Variants in CARM1 observed in about 807,000 individuals in gnomAD.
CARM1 encodes the protein histone-arginine methyltransferase CARM1.
CARM1 carries 14 observed loss-of-function variants against 72.7 expected under a neutral mutation model. The observed-to-expected ratio is 0.19, with a 90% CI of 0.13 to 0.30. CARM1 has a LOEUF of 0.30. CARM1 is among the 10% of genes least tolerant of loss of function. The pLI, the probability that CARM1 is intolerant of heterozygous loss-of-function variation, is 1.00. For missense variants in CARM1, 432 were observed against 833.7 expected (o/e 0.52, Z 5.93); for synonymous variants, 333 against 345.5 (o/e 0.96, Z 0.40).
At chr19:10,883,849 C>G (rs772057882) in intron 1 of CARM1, among the ~76,000 whole-genome samples, 1 of 151,708 alleles carries the variant, frequency 6.6e-6, no homozygotes, top group Admixed American at 6.6e-5. Context: ...GAAACCCCAT[C>G]TCTACTAAAA....
chr19:10,884,246 C>T (rs1286298625), intron 1 of CARM1, among the ~76,000 whole-genome samples: 2 of 150,228 alleles, frequency 1.3e-5, no homozygotes, highest in Admixed American at 6.7e-5. Context: ...GAGGCTGAGG[C>T]AGGAGAATCT....
At chr19:10,885,326 A>G (rs746851483) in intron 1 of CARM1, among the ~76,000 whole-genome samples, 22 of 152,140 alleles carry the variant, frequency 1.4e-4, no homozygotes, top group Non-Finnish European at 2.5e-4. Flanking sequence ...AAAGCGATTC[A>G]TTAGCCTTGG....
chr19:10,876,249 C>T (rs1251498729), intron 1 of CARM1, among the ~76,000 whole-genome samples: 1 of 152,182 alleles, frequency 6.6e-6, no homozygotes, highest in East Asian at 1.9e-4. Flanking sequence ...TGGTCTTGAA[C>T]TCCTGGGCTC....
chr19:10,887,799 G>C (rs1355658879), intron 1 of CARM1, among the ~76,000 whole-genome samples: 1 of 152,102 alleles, frequency 6.6e-6, no homozygotes, highest in South Asian at 2.1e-4. Flanking sequence ...TCAGCCCCAG[G>C]GCAGCTTCTC....
intron 1 of CARM1, among the ~76,000 whole-genome samples, chr19:10,886,687 C>T (rs1037231402): frequency 6.6e-5 from 10 of 151,978 alleles, no homozygotes; most frequent in African/African-American, 1.7e-4. Flanking sequence ...AAAATTTAGC[C>T]GGGTGCAGTG....
At chr19:10,918,927 G>A (rs989427545) in intron 8 of CARM1, 1 of 152,196 alleles carries the variant, frequency 6.6e-6, no homozygotes, top group African/African-American at 2.4e-5. Context: ...GATTTTATTC[G>A]GTTTACATAG....
intron 1 of CARM1, 74 bp from the exon 2 acceptor site, chr19:10,904,877 C>A: frequency 1.3e-6 from 2 of 1,571,464 alleles, no homozygotes; most frequent in Non-Finnish European, 1.7e-6. Context: ...AGCAGGAGGG[C>A]GACAGGGACC....
At chr19:10,894,986 C>T (rs2074014113) in intron 1 of CARM1, among the ~76,000 whole-genome samples, 1 of 152,088 alleles carries the variant, frequency 6.6e-6, no homozygotes, top group Admixed American at 6.6e-5. Context: ...CTCAAGTGAT[C>T]CTCCCCGCTC....
chr19:10,914,276 A>G (rs1407824175), intron 6 of CARM1, among the ~76,000 whole-genome samples: 2 of 152,186 alleles, frequency 1.3e-5, no homozygotes, highest in African/African-American at 4.8e-5. Context: ...CCACTCGCCC[A>G]GACAGGGTAC....
rs1343887947 is a variant in CARM1, at chr19:10,890,245, G to T, written c.221-14706G>T. Reference sequence around the variant, plus strand: ...CTACAAAAAATATAAAAATTAGGTGGTTTTTTTGTTTTTTGTTTTGTTTGT... The same window carrying T: ...CTACAAAAAATATAAAAATTAGGTGTTTTTTTTGTTTTTTGTTTTGTTTGT... On this transcript the variant is annotated intron_variant, in intron 1 of 15. Coordinates refer to ENST00000327064, the MANE Select transcript of CARM1 (RefSeq NM_199141.2). 4.7e-5 allele frequency among the ~76,000 whole-genome samples: 7 copies of T among 149,304 alleles called. No homozygotes were observed. The South Asian group carries it at 8.6e-4, about 18-fold the overall frequency.
At chr19:10,907,526 G>C (rs2074114338) in intron 2 of CARM1, among the ~76,000 whole-genome samples, 1 of 151,324 alleles carries the variant, frequency 6.6e-6, no homozygotes, top group South Asian at 2.1e-4. Context: ...GCCCACCTCA[G>C]CCTCCCACCT....
intron 9 of CARM1, 73 bp downstream of exon 9, chr19:10,919,753 G>C: frequency 1.3e-6 from 2 of 1,523,048 alleles, no homozygotes; most frequent in Non-Finnish European, 1.8e-6. Flanking sequence ...GGCTCCCGCC[G>C]GCATCCTGCC....
chr19:10,922,549 A>C lies in CARM1; in HGVS notation c.*792A>C, dbSNP rs1181336878. The C allele has an allele frequency of 7.1e-6, 1 of 140,022 alleles. No homozygotes were observed. The highest frequency in any genetic ancestry group is 7.7e-5 in the Admixed American group (1 of 12,966). The allele number at this position is 140,022 out of a possible 1,614,324, so 8.7% of individuals were successfully genotyped here. A position where few individuals can be genotyped will look rare whatever the true frequency, so the allele number is the denominator to read the frequency against. On this transcript the variant is annotated 3_prime_UTR_variant, in exon 16 of 16. Transcript: ENST00000327064. ...AAGGCCACTGCCGGCCACTTGGGGCAGACACAGACACCTCAAGGATCTGTC... is the reference window on the plus strand; with the variant it reads ...AAGGCCACTGCCGGCCACTTGGGGCCGACACAGACACCTCAAGGATCTGTC...
Position 10,912,405 on chromosome 19 carries a change from T to A in CARM1, c.669+111T>A. On this transcript the variant is annotated intron_variant, in intron 5 of 15. Coordinates refer to ENST00000327064, the MANE Select transcript of CARM1 (RefSeq NM_199141.2). The surrounding 1 kb of genome is among the most constrained non-coding windows in gnomAD (Gnocchi z 4.5). ...CAGGGGCCTGGGGACATTACTTCTG[T>A]GCTTTGGTCTCTTTATTGTCCCCAA... The A allele has an allele frequency of 1.3e-6, 1 of 748,720 alleles. No individual in the cohort carries two copies. Among genetic ancestry groups the A allele is most frequent in the Non-Finnish European group, 2.3e-6 (1 of 428,394 alleles). 46.4% of individuals were successfully genotyped at this position (748,720 alleles called of 1,614,324 possible).
rs926453344 is a variant in CARM1, at chr19:10,872,473, C to T, written c.220+551C>T. Among the ~76,000 whole-genome samples the T allele has an allele frequency of 1.8e-4, 27 of 152,098 alleles. 1 individual carries two copies. On this transcript the variant is annotated intron_variant, in intron 1 of 15. Coordinates refer to ENST00000327064, the MANE Select transcript of CARM1 (RefSeq NM_199141.2). ...TGTGCGAGGTGTGGCGTTCAGGACC[C>T]CCGAATGGGAAACTTCAGGATCTGG...
intron 1 of CARM1, among the ~76,000 whole-genome samples, chr19:10,890,640 T>A (rs1370960762): frequency 6.6e-6 from 1 of 150,594 alleles, no homozygotes; most frequent in Non-Finnish European, 1.5e-5. Context: ...TACATATATA[T>A]ATGTATATGT....
Position 10,871,759 on chromosome 19 carries a change from C to G in CARM1, c.57C>G (p.Val19=), listed in dbSNP as rs2073819937. The change falls in exon 1 of 16, where the codon GTC becomes GTG. Residue 19 remains valine, a synonymous_variant. Coordinates refer to ENST00000327064, the MANE Select transcript of CARM1 (RefSeq NM_199141.2). The surrounding 1 kb of genome is among the most constrained non-coding windows in gnomAD (Gnocchi z 5.6). The stretch of plus-strand genomic sequence containing the variant: ...GCGCGGGCGGCGCGGGGTCGGCGGT[C>G]CCGGGCGGCGCGGGGCCCTGCGCTA... ...GPGAGGAGSA[V]PGGAGPCATV... The G allele has an allele frequency of 9.0e-7, 1 of 1,108,270 alleles. No homozygotes were observed. The highest frequency in any genetic ancestry group is 1.1e-6 in the Non-Finnish European group (1 of 909,276). The allele number at this position is 1,108,270 out of a possible 1,614,324, so 68.7% of individuals were successfully genotyped here.
rs2074025504 is a variant in CARM1 at position 10,896,563 on chromosome 19, C to CTTG, written c.221-8388_221-8387insTTG. ...TGCTGCCCAGAGCCAAGCCACCAGTCCACTGGGGCCTCTTGCAGTCCCTCC... is the reference window on the plus strand; with the variant it reads ...TGCTGCCCAGAGCCAAGCCACCAGTCTTGCACTGGGGCCTCTTGCAGTCCCTCC... On this transcript the variant is annotated intron_variant, in intron 1 of 15. Transcript: ENST00000327064. The surrounding 1 kb of genome is among the most constrained non-coding windows in gnomAD (Gnocchi z 5.2). Among the ~76,000 whole-genome samples the CTTG allele has an allele frequency of 1.3e-5, 2 of 152,162 alleles. No homozygotes were observed. Among genetic ancestry groups the CTTG allele is most frequent in the Non-Finnish European group, 2.9e-5 (2 of 68,034 alleles).
In CARM1 at chr19:10,916,859, C is replaced by G. The variant is rs1335586131; in HGVS notation, c.1020+82C>G. 4 of 1,043,740 alleles carry G rather than the reference C, an allele frequency of 3.8e-6. No individual in the cohort carries two copies. The highest frequency in any genetic ancestry group is 4.3e-6 in the Non-Finnish European group (3 of 703,698). 64.7% of individuals were successfully genotyped at this position (1,043,740 alleles called of 1,614,324 possible). ...GTGCAGCCCTCAGGAAGCTACAGCCCCTCTCTGAGCCCTCTCCTCTGCCCT... is the reference window on the plus strand; with the variant it reads ...GTGCAGCCCTCAGGAAGCTACAGCCGCTCTCTGAGCCCTCTCCTCTGCCCT... On this transcript the variant is annotated intron_variant, in intron 8 of 15. Transcript: ENST00000327064. The surrounding 1 kb of genome is among the most constrained non-coding windows in gnomAD (Gnocchi z 4.4).
Sources: allele counts gnomAD v4.1 joint callset (sites outside exome capture counted in the v4.1 genomes callset), GRCh38; gene constraint gnomAD v4.1.1; non-coding constraint Gnocchi (gnomAD v3.1); transcripts MANE v1.5; gene names NCBI Gene and HGNC (gene_info 2026-07-23, HGNC 2026-07-21).